TFDP2: variants seen among roughly 807,000 people sequenced by gnomAD.
TFDP2 encodes transcription factor Dp-2.
Under a neutral mutation model 59.3 loss-of-function variants are expected in TFDP2, and 17 were observed. That is an observed-to-expected ratio of 0.29 (90% CI 0.20 to 0.43). TFDP2 has a LOEUF of 0.43. Ranked by LOEUF, TFDP2 falls within the 20% of genes least tolerant of loss-of-function variation. The probability of loss-of-function intolerance (pLI) is 1.00; values close to 1 mark genes in which losing one functional copy is unlikely to be tolerated. For missense variants in TFDP2, 391 were observed against 528.8 expected (o/e 0.74, Z 2.56); for synonymous variants, 180 against 194.7 (o/e 0.92, Z 0.63).
intron 1 of TFDP2, among the ~76,000 whole-genome samples, chr3:142,117,081 C>G (rs1352409041): frequency 6.6e-6 from 1 of 152,126 alleles, no homozygotes; most frequent in African/African-American, 2.4e-5. Flanking sequence ...ACCACCACCC[C>G]TGGCTAATTT....
chr3:141,952,555 TTCA>T lies in TFDP2; in HGVS notation c.1296_1298del (p.Asp432del). ...AATCCTCCTCATCATCTTCCTCATC[TTCA>T]TCATTGAACGAACAGGGGGTCTCGC... On this transcript the variant is annotated inframe_deletion, in exon 13 of 13. Transcript: ENST00000489671. 6.4e-7 allele frequency: 1 copy of T among 1,561,318 alleles called. No individual in the cohort carries two copies. The highest frequency in any genetic ancestry group is 8.6e-7 in the Non-Finnish European group (1 of 1,163,652).
intron 3 of TFDP2, among the ~76,000 whole-genome samples, chr3:142,019,068 T>G (rs1945384335): frequency 6.6e-6 from 1 of 151,868 alleles, no homozygotes; most frequent in South Asian, 2.1e-4. Flanking sequence ...TTTTTTTTTT[T>G]TTTTTGTTTT....
chr3:142,033,451 C>T (rs994743732), intron 3 of TFDP2, among the ~76,000 whole-genome samples: 1 of 152,130 alleles, frequency 6.6e-6, no homozygotes, highest in African/African-American at 2.4e-5. Context: ...TTAACGTTAT[C>T]TTCTACCAAA....
chr3:142,081,361 A>G (rs2060634387), intron 3 of TFDP2, among the ~76,000 whole-genome samples: 1 of 152,158 alleles, frequency 6.6e-6, no homozygotes, highest in Non-Finnish European at 1.5e-5. Context: ...TTGATGGTAT[A>G]AGTGCTTATA....
At chr3:141,962,427 C>T (rs1576468056) in intron 10 of TFDP2, among the ~76,000 whole-genome samples, 3 of 151,500 alleles carry the variant, frequency 2.0e-5, no homozygotes, top group East Asian at 2.0e-4. Flanking sequence ...GGCACAATCT[C>T]GGTTCACTGC....
intron 3 of TFDP2, among the ~76,000 whole-genome samples, chr3:142,080,860 C>G (rs2060617241): frequency 6.6e-6 from 1 of 152,128 alleles, no homozygotes; most frequent in African/African-American, 2.4e-5. Flanking sequence ...GCTAAACAGA[C>G]AGATAAACCC....
At chr3:142,023,296 T>C (rs1945804269) in intron 3 of TFDP2, among the ~76,000 whole-genome samples, 1 of 151,182 alleles carries the variant, frequency 6.6e-6, no homozygotes, top group African/African-American at 2.4e-5. Context: ...GTGAATCTCC[T>C]GTCTCAGCCT....
intron 3 of TFDP2, among the ~76,000 whole-genome samples, chr3:142,085,525 C>T (rs73232696): frequency 0.019 from 2,840 of 151,964 alleles, 31 homozygotes; most frequent in Middle Eastern, 0.027. Flanking sequence ...TTGTTTTAAT[C>T]TTGTGTATTT....
chr3:142,019,127 C>T (rs577231526), intron 3 of TFDP2, among the ~76,000 whole-genome samples: 100 of 151,488 alleles, frequency 6.6e-4, no homozygotes, highest in African/African-American at 2.3e-3. Context: ...TGCAATGGCA[C>T]GATCTCGGCT....
chr3:141,948,725 C>T lies in TFDP2; in HGVS notation c.*3788G>A, dbSNP rs932506993. The T allele has an allele frequency of 6.6e-6, 1 of 151,908 alleles. No homozygotes were observed. The highest frequency in any genetic ancestry group is 1.5e-5 in the Non-Finnish European group (1 of 68,026). The allele number at this position is 151,908 out of a possible 1,614,324, so 9.4% of individuals were successfully genotyped here. On this transcript the variant is annotated 3_prime_UTR_variant, in exon 13 of 13. Transcript: ENST00000489671. ...GAGCAACTCTGCTGTCTCTATGACCCAAGTAGCCAAAAAGAGTTGTGGTTT... is the reference window on the plus strand; with the variant it reads ...GAGCAACTCTGCTGTCTCTATGACCTAAGTAGCCAAAAAGAGTTGTGGTTT...
chr3:141,979,653 A>ATC (rs1941229924), intron 6 of TFDP2, among the ~76,000 whole-genome samples: 3 of 151,756 alleles, frequency 2.0e-5, no homozygotes, highest in Non-Finnish European at 1.5e-5. Context: ...CAGTGGTGTG[A>ATC]TCTCAGCTCA....
intron 1 of TFDP2, among the ~76,000 whole-genome samples, chr3:142,102,285 G>C (rs1026772651): frequency 6.6e-6 from 1 of 151,956 alleles, no homozygotes; most frequent in African/African-American, 2.4e-5. Context: ...TTCAACAACT[G>C]AACACCAAAG....
At chr3:141,990,637 G>A (rs1010065030) in intron 6 of TFDP2, among the ~76,000 whole-genome samples, 11 of 152,142 alleles carry the variant, frequency 7.2e-5, no homozygotes, top group African/African-American at 2.7e-4. Context: ...CTTATAGAGT[G>A]TTTACATCCT....
intron 8 of TFDP2, among the ~76,000 whole-genome samples, chr3:141,973,492 T>C (rs542158332): frequency 6.6e-6 from 1 of 152,304 alleles, no homozygotes; most frequent in African/African-American, 2.4e-5. Flanking sequence ...AAGAGTTTTC[T>C]ATAATGCTTA....
chr3:141,970,835 G>C (rs905750095), intron 8 of TFDP2, among the ~76,000 whole-genome samples: 2 of 152,142 alleles, frequency 1.3e-5, no homozygotes, highest in Non-Finnish European at 1.5e-5. Flanking sequence ...GCCGAGGGGG[G>C]AGAATCACTT....
chr3:142,035,988 TG>T (rs1946679755), intron 3 of TFDP2, among the ~76,000 whole-genome samples: 1 of 152,212 alleles, frequency 6.6e-6, no homozygotes. Flanking sequence ...TCCACATACT[TG>T]GTGACTATCA....
chr3:142,001,805 C>T (rs1476969085), intron 4 of TFDP2, among the ~76,000 whole-genome samples: 1 of 152,138 alleles, frequency 6.6e-6, no homozygotes, highest in Non-Finnish European at 1.5e-5. Context: ...GTTCCTCCTT[C>T]CACAAAACAT....
At chr3:142,094,854 C>T (rs1470309047) in intron 2 of TFDP2, among the ~76,000 whole-genome samples, 2 of 152,170 alleles carry the variant, frequency 1.3e-5, no homozygotes, top group Non-Finnish European at 2.9e-5. Context: ...TACAAGCACA[C>T]AATACAGTAC....
chr3:142,046,998 C>A (rs1364307025), intron 3 of TFDP2, among the ~76,000 whole-genome samples: 1 of 152,096 alleles, frequency 6.6e-6, no homozygotes, highest in Non-Finnish European at 1.5e-5. Flanking sequence ...CTCTTGCCCC[C>A]CTTCAGCCTT....
Sources: gnomAD v4.1 joint callset for allele counts (sites outside exome capture counted in the v4.1 genomes callset) on GRCh38, gnomAD v4.1.1 for gene constraint, MANE v1.5 for transcripts, NCBI Gene and HGNC (gene_info 2026-07-23, HGNC 2026-07-21) for gene names.